RGS8: variants seen among roughly 807,000 people sequenced by gnomAD.
RGS8 encodes regulator of G protein signaling 8.
In RGS8, 8 loss-of-function variants were observed where a neutral mutation model predicts 21.7. That is an observed-to-expected ratio of 0.37 (90% CI 0.22 to 0.66). The LOEUF is 0.66. Among genes scored for constraint, RGS8 ranks in the 30% least tolerant of loss-of-function variants. The pLI, the probability that RGS8 is intolerant of heterozygous loss-of-function variation, is 0.59. For synonymous variants in RGS8, 80 were observed against 83.6 expected, an observed-to-expected ratio of 0.96 and a Z score of 0.24; for missense variants, 157 against 217.9, an observed-to-expected ratio of 0.72 and a Z score of 1.76.
At chr1:182,719,725 G>A in the RGS8 span, among the ~76,000 whole-genome samples, 52 of 149,290 alleles carry the variant, frequency 3.5e-4, no homozygotes, top group Admixed American at 3.1e-3. Flanking sequence ...CACCACACCC[G>A]ACTATTTTTC....
chr1:182,687,039 C>T (rs894308025), upstream of RGS8, among the ~76,000 whole-genome samples: 11 of 151,858 alleles, frequency 7.2e-5, no homozygotes, highest in African/African-American at 1.2e-4. Flanking sequence ...AAAGAATTTT[C>T]GTCATAGGTG....
At chr1:182,655,260 C>T (rs1663216712) in intron 5 of RGS8, among the ~76,000 whole-genome samples, 1 of 152,178 alleles carries the variant, frequency 6.6e-6, no homozygotes, top group African/African-American at 2.4e-5. Context: ...GATGCCTGTG[C>T]CAGTGACCAC....
the RGS8 span, among the ~76,000 whole-genome samples, chr1:182,708,998 C>T: frequency 1.3e-5 from 2 of 152,322 alleles, no homozygotes; most frequent in African/African-American, 2.4e-5. Context: ...AGCAGCCTGA[C>T]GAAAGCGCCT....
the RGS8 span, among the ~76,000 whole-genome samples, chr1:182,744,156 A>T: frequency 6.6e-6 from 1 of 152,056 alleles, no homozygotes; most frequent in Non-Finnish European, 1.5e-5. Flanking sequence ...ATAAAATCCA[A>T]TGTTGTTTGT....
At chr1:182,673,513 C>T (rs867202466), upstream of RGS8, among the ~76,000 whole-genome samples, 3 of 151,932 alleles carry the variant, frequency 2.0e-5, no homozygotes, top group Admixed American at 6.6e-5. Context: ...TGAATTCTCT[C>T]GGTGAAATGA....
intron 1 of RGS8, among the ~76,000 whole-genome samples, chr1:182,683,177 T>G (rs991950337): frequency 2.0e-5 from 3 of 152,212 alleles, no homozygotes; most frequent in Non-Finnish European, 4.4e-5. Context: ...CACACACTTC[T>G]TTCAGGAAAC....
chr1:182,731,138 G>T, the RGS8 span, among the ~76,000 whole-genome samples: 1 of 152,160 alleles, frequency 6.6e-6, no homozygotes, highest in African/African-American at 2.4e-5. Context: ...CCCAAGCATA[G>T]GCACTAATTG....
At chr1:182,642,094 A>C (rs1662492057), downstream of RGS8, 1 of 152,174 alleles carries the variant, frequency 6.6e-6, no homozygotes, top group Admixed American at 6.6e-5. Context: ...TCAGGAAAGG[A>C]ACAGTTTATT....
At chr1:182,704,894 C>T in the RGS8 span, among the ~76,000 whole-genome samples, 1 of 152,200 alleles carries the variant, frequency 6.6e-6, no homozygotes, top group Non-Finnish European at 1.5e-5. Context: ...ACCACACGTG[C>T]CCATCTGTGC....
the RGS8 span, among the ~76,000 whole-genome samples, chr1:182,703,828 G>A: frequency 4.6e-5 from 7 of 152,222 alleles, no homozygotes; most frequent in Non-Finnish European, 8.8e-5. Flanking sequence ...CGAGTAGGCT[G>A]AGTGTTGAGA....
chr1:182,679,372 C>A (rs1230163771), intron 1 of RGS8, among the ~76,000 whole-genome samples: 1 of 152,074 alleles, frequency 6.6e-6, no homozygotes, highest in Admixed American at 6.5e-5. Context: ...GCTGCCTTTG[C>A]CATGGTGACC....
At chr1:182,712,060 C>A in the RGS8 span, among the ~76,000 whole-genome samples, 3 of 152,276 alleles carry the variant, frequency 2.0e-5, no homozygotes, top group South Asian at 4.1e-4. Flanking sequence ...AATAACCCTG[C>A]AAAGTGAACT....
the RGS8 span, among the ~76,000 whole-genome samples, chr1:182,705,566 G>GTTCCTTCCAATTCTTCT: frequency 2.0e-5 from 3 of 151,134 alleles, no homozygotes; most frequent in African/African-American, 4.9e-5. Flanking sequence ...AGAACATGCA[G>GTTCCTTCCAATTCTTCT]CATTGATGTG....
At chr1:182,691,156 A>G in the RGS8 span, among the ~76,000 whole-genome samples, 1 of 152,216 alleles carries the variant, frequency 6.6e-6, no homozygotes, top group Non-Finnish European at 1.5e-5. Context: ...CCAAACTAGA[A>G]GAATTGCCCA....
the RGS8 span, among the ~76,000 whole-genome samples, chr1:182,744,662 CG>C: frequency 6.6e-6 from 1 of 152,182 alleles, no homozygotes; most frequent in Non-Finnish European, 1.5e-5. Context: ...AGTACAGTAA[CG>C]TGCTATACAG....
intron 3 of RGS8, 124 bp from the exon 5 acceptor site, chr1:182,667,097 C>T (rs1328011366): frequency 6.8e-6 from 5 of 737,636 alleles, no homozygotes; most frequent in Non-Finnish European, 1.2e-5. Context: ...CCCAGGTGGT[C>T]TCTGAAGACT....
chr1:182,699,868 T>G, the RGS8 span, among the ~76,000 whole-genome samples: 2 of 152,092 alleles, frequency 1.3e-5, no homozygotes, highest in Non-Finnish European at 2.9e-5. Context: ...GTTCCAGCAG[T>G]GCCAGCTCGG....
At chr1:182,690,663 G>A in the RGS8 span, among the ~76,000 whole-genome samples, 3 of 152,134 alleles carry the variant, frequency 2.0e-5, no homozygotes, top group Admixed American at 6.5e-5. Context: ...GAAATAAATT[G>A]TTAAGTAGTT....
intron 3 of RGS8, among the ~76,000 whole-genome samples, chr1:182,667,820 T>C (rs1663946383): frequency 6.6e-6 from 1 of 152,090 alleles, no homozygotes; most frequent in African/African-American, 2.4e-5. Flanking sequence ...TTAGTCTCCG[T>C]TTACCACTTT....
Sources: gnomAD v4.1 joint callset for allele counts (sites outside exome capture counted in the v4.1 genomes callset) on GRCh38, gnomAD v4.1.1 for gene constraint, MANE v1.5 for transcripts, NCBI Gene and HGNC (gene_info 2026-07-23, HGNC 2026-07-21) for gene names.